The following GLCE variants were observed in gnomAD, a reference collection of about 807,000 sequenced individuals.
The protein encoded by GLCE is D-glucuronyl C5-epimerase.
GLCE carries 19 observed loss-of-function variants against 47.9 expected under a neutral mutation model. That is an observed-to-expected ratio of 0.40 (90% CI 0.28 to 0.58). The LOEUF (loss-of-function observed/expected upper bound fraction) is 0.58. GLCE is among the 20% of genes least tolerant of loss of function. The pLI is 0.48. For missense variants in GLCE, 556 were observed against 743.3 expected (o/e 0.75, Z 2.93); for synonymous variants, 245 against 263.4 (o/e 0.93, Z 0.68).
chr15:69,208,346 C>A (rs1030070100), intron 1 of GLCE, among the ~76,000 whole-genome samples: 1 of 151,696 alleles, frequency 6.6e-6, no homozygotes, highest in Non-Finnish European at 1.5e-5. Context: ...TTATTTTTTT[C>A]TTTGCATATG....
rs942978005 is a variant in GLCE at position 69,257,206 on chromosome 15, C to T, written c.586+814C>T. ...TGGATGTTTTCAGACTCCCACAGAC[C>T]GAAGGATTATAGCCCACTCATGTCT... On this transcript the variant is annotated intron_variant, in intron 3 of 4. Coordinates refer to ENST00000261858, the MANE Select transcript of GLCE (RefSeq NM_015554.3). 8.5e-5 allele frequency among the ~76,000 whole-genome samples: 13 copies of T among 152,194 alleles called. No individual in the cohort carries two copies. In the Middle Eastern group the frequency reaches 0.01, roughly 119 times the overall value.
chr15:69,240,881 A>G (rs909108137), intron 2 of GLCE, among the ~76,000 whole-genome samples: 2 of 152,166 alleles, frequency 1.3e-5, no homozygotes, highest in Non-Finnish European at 2.9e-5. Context: ...AGAGACCAGA[A>G]CAAATTCAAC....
intron 2 of GLCE, among the ~76,000 whole-genome samples, chr15:69,247,733 G>A (rs760983261): frequency 2.0e-5 from 3 of 152,128 alleles, no homozygotes; most frequent in Non-Finnish European, 4.4e-5. Context: ...TTGGCCTAAT[G>A]TCCATATTGG....
At chr15:69,171,797 A>C (rs1045406426) in intron 1 of GLCE, among the ~76,000 whole-genome samples, 8 of 152,182 alleles carry the variant, frequency 5.3e-5, no homozygotes, top group Admixed American at 2.0e-4. Flanking sequence ...AGGATAAGTT[A>C]GGGGTATTAT....
chr15:69,183,187 A>G (rs2051775615), intron 1 of GLCE, among the ~76,000 whole-genome samples: 3 of 152,162 alleles, frequency 2.0e-5, no homozygotes. Flanking sequence ...AAGAATTGGG[A>G]AAGGATTGTG....
At position 69,203,159 on chromosome 15, in the gene GLCE, G is replaced by C. The variant is rs371821937; in HGVS notation, c.-104-7157G>C. Reference sequence around the variant, plus strand: ...GGCCAGTAAGGTAAAGCATCCTGTTGGGTTTAGTTCATATGTAAAAATTCT... The same window carrying C: ...GGCCAGTAAGGTAAAGCATCCTGTTCGGTTTAGTTCATATGTAAAAATTCT... On this transcript the variant is annotated intron_variant, in intron 1 of 4. Transcript: ENST00000261858. Among the ~76,000 whole-genome samples the C allele has an allele frequency of 8.5e-5, 13 of 152,106 alleles. No homozygotes were observed. The East Asian group carries it at 1.9e-3, about 23-fold the overall frequency.
intron 3 of GLCE, among the ~76,000 whole-genome samples, chr15:69,258,383 T>C (rs2052963453): frequency 6.6e-6 from 1 of 152,218 alleles, no homozygotes; most frequent in African/African-American, 2.4e-5. Context: ...ATTCAGATCA[T>C]ACTGTATGGT....
intron 1 of GLCE, among the ~76,000 whole-genome samples, chr15:69,198,233 T>G (rs1310502499): frequency 6.6e-6 from 1 of 152,206 alleles, no homozygotes; most frequent in Non-Finnish European, 1.5e-5. Flanking sequence ...TGTCGATACC[T>G]TGATCTATGT....
At chr15:69,204,811 C>G (rs1364557785) in intron 1 of GLCE, among the ~76,000 whole-genome samples, 1 of 152,044 alleles carries the variant, frequency 6.6e-6, no homozygotes, top group Admixed American at 6.6e-5. Flanking sequence ...GCAGGTGATA[C>G]ATTGCTTAGG....
At chr15:69,231,117 C>T (rs1479984223) in intron 2 of GLCE, among the ~76,000 whole-genome samples, 2 of 152,168 alleles carry the variant, frequency 1.3e-5, no homozygotes, top group Non-Finnish European at 2.9e-5. Context: ...ATCCCCTTTG[C>T]AATTCTGATG....
chr15:69,248,653 C>G (rs1335164579), intron 2 of GLCE, among the ~76,000 whole-genome samples: 1 of 151,432 alleles, frequency 6.6e-6, no homozygotes, highest in Admixed American at 6.6e-5. Context: ...TTTTTTTGCC[C>G]CCTCACTCTG....
At chr15:69,226,616 A>G (rs1035613155) in intron 2 of GLCE, among the ~76,000 whole-genome samples, 22 of 152,168 alleles carry the variant, frequency 1.4e-4, no homozygotes, top group Non-Finnish European at 3.1e-4. Flanking sequence ...AGTGAAAATC[A>G]AAACTTGATT....
At chr15:69,164,074 A>G (rs1226132540) in intron 1 of GLCE, among the ~76,000 whole-genome samples, 1 of 151,328 alleles carries the variant, frequency 6.6e-6, no homozygotes, top group Non-Finnish European at 1.5e-5. Context: ...GAGTTTGCAA[A>G]AGGAAGTTTT....
intron 1 of GLCE, among the ~76,000 whole-genome samples, chr15:69,195,819 T>A (rs527658995): frequency 6.6e-6 from 1 of 152,272 alleles, no homozygotes; most frequent in East Asian, 1.9e-4. Context: ...AGTGAGAGAA[T>A]TCCCTTGGTT....
At chr15:69,214,374 A>C (rs1415431351) in intron 2 of GLCE, among the ~76,000 whole-genome samples, 1 of 152,104 alleles carries the variant, frequency 6.6e-6, no homozygotes, top group Non-Finnish European at 1.5e-5. Flanking sequence ...TGCATTTCTT[A>C]TAATAGTGAG....
At chr15:69,237,470 C>A (rs1022976059) in intron 2 of GLCE, among the ~76,000 whole-genome samples, 2 of 152,016 alleles carry the variant, frequency 1.3e-5, no homozygotes, top group African/African-American at 4.8e-5. Context: ...TGGTGGCGCA[C>A]ACCTGTAATC....
At chr15:69,267,823 T>G (rs1314891645) in intron 4 of GLCE, among the ~76,000 whole-genome samples, 1 of 150,338 alleles carries the variant, frequency 6.7e-6, no homozygotes, top group East Asian at 2.0e-4. Context: ...TGCAATATTA[T>G]GTGCTGAGCC....
intron 1 of GLCE, among the ~76,000 whole-genome samples, chr15:69,188,763 G>T (rs1033306247): frequency 5.9e-5 from 9 of 152,032 alleles, no homozygotes; most frequent in African/African-American, 2.2e-4. Flanking sequence ...TTGTGATATT[G>T]GTAATTTATG....
At chr15:69,177,265 T>G (rs991869322) in intron 1 of GLCE, among the ~76,000 whole-genome samples, 2 of 152,168 alleles carry the variant, frequency 1.3e-5, no homozygotes, top group South Asian at 4.1e-4. Context: ...AGTTTTGCCA[T>G]GTTACCAGGC....
Sources: gnomAD v4.1 joint callset for allele counts (sites outside exome capture counted in the v4.1 genomes callset) on GRCh38, gnomAD v4.1.1 for gene constraint, MANE v1.5 for transcripts, NCBI Gene and HGNC (gene_info 2026-07-23, HGNC 2026-07-21) for gene names.